Variants in SNTG2 observed in about 807,000 individuals in gnomAD.
SNTG2 encodes the protein gamma-2-syntrophin.
In SNTG2, 74 loss-of-function variants were observed where a neutral mutation model predicts 70.9. That is an observed-to-expected ratio of 1.04 (90% confidence interval 0.86 to 1.27). The LOEUF is 1.27. SNTG2 is among the 50% of genes most tolerant of loss of function. The pLI, the probability that SNTG2 is intolerant of heterozygous loss-of-function variation, is 0.00. For missense variants in SNTG2, 717 were observed against 690.7 expected, an observed-to-expected ratio of 1.04 and a Z score of -0.43; for synonymous variants, 278 against 273.8, an observed-to-expected ratio of 1.02 and a Z score of -0.15.
rs914497800 is a variant in SNTG2 at position 1,362,344 on chromosome 2, C to T, written c.1489-4999C>T. On this transcript the variant is annotated intron_variant, in intron 16 of 16. Transcript: ENST00000308624. ...TCAGTAGAACTTCCGTGAAAGTCAC[C>T]GACGCTGAGCATTTCAATAGAACTT... is the stretch of plus-strand genomic sequence containing the variant. Among the ~76,000 whole-genome samples, 8 of 151,938 alleles carry T rather than the reference C, an allele frequency of 5.3e-5. 1 individual carries two copies. Among genetic ancestry groups the T allele is most frequent in the South Asian group, 4.2e-4 (2 of 4,808 alleles).
intron 7 of SNTG2, among the ~76,000 whole-genome samples, chr2:1,168,443 A>G (rs1049992064): frequency 6.6e-6 from 1 of 152,192 alleles, no homozygotes; most frequent in African/African-American, 2.4e-5. Context: ...GCCCATCTCT[A>G]TGGCACCCCC....
At chr2:1,321,439 A>G (rs1485894715) in intron 16 of SNTG2, among the ~76,000 whole-genome samples, 1 of 152,156 alleles carries the variant, frequency 6.6e-6, no homozygotes, top group Non-Finnish European at 1.5e-5. Flanking sequence ...AGATGGAGGA[A>G]GATTGGGCGT....
chr2:1,185,483 C>T lies in SNTG2; in HGVS notation c.591+12300C>T, dbSNP rs567747857. On this transcript the variant is annotated intron_variant, in intron 8 of 16. Coordinates refer to ENST00000308624, the MANE Select transcript of SNTG2 (RefSeq NM_018968.4). ...AAGGCTTCTCCCCTGCAGCAGACTTCTGCCTGGACATCCAGGAATTTCCAT... is the reference window on the plus strand; with the variant it reads ...AAGGCTTCTCCCCTGCAGCAGACTTTTGCCTGGACATCCAGGAATTTCCAT... 4.6e-5 allele frequency among the ~76,000 whole-genome samples: 7 copies of T among 152,364 alleles called. 1 individual carries two copies. In the South Asian group the frequency reaches 1.5e-3, roughly 32 times the overall value.
chr2:1,101,912 C>T (rs144780109), intron 4 of SNTG2, among the ~76,000 whole-genome samples: 5 of 152,294 alleles, frequency 3.3e-5, no homozygotes, highest in East Asian at 3.9e-4. Flanking sequence ...GGCTTCACCT[C>T]GCTCATTTTT....
chr2:990,483 G>A (rs182689856), intron 1 of SNTG2, among the ~76,000 whole-genome samples: 1 of 152,254 alleles, frequency 6.6e-6, no homozygotes, highest in Admixed American at 6.5e-5. Context: ...TCGTGGTGGG[G>A]GAGCTCTCCT....
At chr2:967,222 T>C (rs1414914044) in intron 1 of SNTG2, among the ~76,000 whole-genome samples, 1 of 152,222 alleles carries the variant, frequency 6.6e-6, no homozygotes, top group African/African-American at 2.4e-5. Context: ...TTTTTTTCTA[T>C]TGACCTATTG....
rs962810450 is a variant in SNTG2, at chr2:1,149,934, C to T, written c.411+12125C>T. On this transcript the variant is annotated intron_variant, in intron 6 of 16. Coordinates refer to ENST00000308624, the MANE Select transcript of SNTG2 (RefSeq NM_018968.4). ...CAATCTCCTGACCTTGTGATCCACCCGCCTCGGCCTCCCAAAGTGCTGGAA... is the reference window on the plus strand; with the variant it reads ...CAATCTCCTGACCTTGTGATCCACCTGCCTCGGCCTCCCAAAGTGCTGGAA... 7.9e-5 allele frequency among the ~76,000 whole-genome samples: 12 copies of T among 152,126 alleles called. No individual in the cohort carries two copies. In the East Asian group the frequency reaches 2.1e-3, roughly 27 times the overall value.
chr2:968,385 A>C (rs1338054995), intron 1 of SNTG2, among the ~76,000 whole-genome samples: 3 of 152,154 alleles, frequency 2.0e-5, no homozygotes, highest in Admixed American at 2.0e-4. Context: ...AAAATAAATC[A>C]GTCTCCCAGT....
At chr2:1,201,616 T>C (rs1673282957) in intron 8 of SNTG2, among the ~76,000 whole-genome samples, 1 of 151,784 alleles carries the variant, frequency 6.6e-6, no homozygotes, top group Admixed American at 6.6e-5. Context: ...GAAGAAAATA[T>C]CCGAAATGTT....
At chr2:1,328,230 T>G (rs561569545) in intron 16 of SNTG2, among the ~76,000 whole-genome samples, 1 of 152,242 alleles carries the variant, frequency 6.6e-6, no homozygotes, top group Non-Finnish European at 1.5e-5. Flanking sequence ...CCATGTGAGA[T>G]TTGGGTGGGG....
At chr2:1,197,491 ATG>A (rs1452511039) in intron 8 of SNTG2, among the ~76,000 whole-genome samples, 8 of 120,344 alleles carry the variant, frequency 6.6e-5, no homozygotes, top group African/African-American at 2.0e-4. Flanking sequence ...ATATATGTGT[ATG>A]TATATATGTG....
rs553445666 is a variant in SNTG2 at position 1,059,516 on chromosome 2, T to C, written c.73-24002T>C. 3.3e-5 allele frequency among the ~76,000 whole-genome samples: 5 copies of C among 152,328 alleles called. No homozygotes were observed. In the East Asian group the frequency reaches 9.6e-4, roughly 29 times the overall value. On this transcript the variant is annotated intron_variant, in intron 1 of 16. Coordinates refer to ENST00000308624, the MANE Select transcript of SNTG2 (RefSeq NM_018968.4). Reference sequence around the variant, plus strand: ...TCTAATGGAAACTTGGAGTCACAATTGGATTTGAACATTTTTTGGAACTTT... The same window carrying C: ...TCTAATGGAAACTTGGAGTCACAATCGGATTTGAACATTTTTTGGAACTTT...
At chr2:1,084,328 G>C (rs1664540189) in intron 2 of SNTG2, among the ~76,000 whole-genome samples, 1 of 152,172 alleles carries the variant, frequency 6.6e-6, no homozygotes, top group African/African-American at 2.4e-5. Flanking sequence ...AGTATGACGG[G>C]TTTCCCGAGA....
Position 996,673 on chromosome 2 carries a change from G to GTTTT in SNTG2, c.72+45633_72+45636dup. 4.8e-3 allele frequency among the ~76,000 whole-genome samples: 170 copies of GTTTT among 35,092 alleles called. 36 individuals carry two copies. Among genetic ancestry groups the GTTTT allele is most frequent in the East Asian group, 0.018 (14 of 796 alleles). The allele number at this position is 35,092 out of a possible 152,430, so 23.0% of individuals were successfully genotyped here. On this transcript the variant is annotated intron_variant, in intron 1 of 16. Transcript: ENST00000308624. ...ATATTGCTTGTATTTGAGTTACCCA[G>GTTTT]TTTTTTTTTTTTTTTTTTTTTTTTT... is the stretch of plus-strand genomic sequence containing the variant.
chr2:1,300,239 C>T (rs1391322676), intron 14 of SNTG2, among the ~76,000 whole-genome samples: 2 of 152,212 alleles, frequency 1.3e-5, no homozygotes, highest in Non-Finnish European at 2.9e-5. Flanking sequence ...AAGAAGGGTG[C>T]TTTAAATGAC....
At position 1,293,532 on chromosome 2, in the gene SNTG2, G is replaced by A. The variant is rs921847224; in HGVS notation, c.1285-14962G>A. On this transcript the variant is annotated intron_variant, in intron 14 of 16. Coordinates refer to ENST00000308624, the MANE Select transcript of SNTG2 (RefSeq NM_018968.4). ...CTTTTGGCCCTAGTTTTACTGTGTTGTGTGAATTCTGGTGTGTTGTGTTTT... is the reference window on the plus strand; with the variant it reads ...CTTTTGGCCCTAGTTTTACTGTGTTATGTGAATTCTGGTGTGTTGTGTTTT... Among the ~76,000 whole-genome samples, 4 of 151,720 alleles carry A rather than the reference G, an allele frequency of 2.6e-5. No homozygotes were observed. In the East Asian group the frequency reaches 5.8e-4, roughly 22 times the overall value.
At chr2:1,314,824 T>TAC (rs1681194975) in intron 15 of SNTG2, among the ~76,000 whole-genome samples, 1 of 152,134 alleles carries the variant, frequency 6.6e-6, no homozygotes, top group Admixed American at 6.5e-5. Context: ...ATGTCTTACG[T>TAC]GGTGGCAGGC....
At chr2:1,168,021 A>G (rs59008061) in intron 7 of SNTG2, among the ~76,000 whole-genome samples, 48 of 97,268 alleles carry the variant, frequency 4.9e-4, no homozygotes, top group East Asian at 3.2e-3. Context: ...GAAGCCTAGA[A>G]GCCGCCCACA....
chr2:1,179,607 G>C (rs1303879105), intron 8 of SNTG2, among the ~76,000 whole-genome samples: 1 of 151,922 alleles, frequency 6.6e-6, no homozygotes, highest in Non-Finnish European at 1.5e-5. Context: ...CTCATGGGTA[G>C]GAAGAATCAA....
Sources: gnomAD v4.1 joint callset for allele counts (sites outside exome capture counted in the v4.1 genomes callset) on GRCh38, gnomAD v4.1.1 for gene constraint, MANE v1.5 for transcripts, NCBI Gene and HGNC (gene_info 2026-07-23, HGNC 2026-07-21) for gene names.